The following NALF1 variants were observed in gnomAD, a reference collection of about 807,000 sequenced individuals.
NALF1 encodes the protein family with sequence similarity 155 member A.
In NALF1, 3 loss-of-function variants were observed where a neutral mutation model predicts 48.4. That is an observed-to-expected ratio of 0.06 (90% confidence interval 0.03 to 0.16). The LOEUF (loss-of-function observed/expected upper bound fraction) is 0.16, where lower values mean the gene tolerates loss of function less well. Among genes scored for constraint, NALF1 ranks in the 10% least tolerant of loss-of-function variants. NALF1 has a pLI of 1.00. For synonymous variants in NALF1, 262 were observed against 245.7 expected (o/e 1.07, Z -0.62); for missense variants, 526 against 571.5 (o/e 0.92, Z 0.81).
intron 1 of NALF1, among the ~76,000 whole-genome samples, chr13:107,702,973 T>G (rs1881860140): frequency 6.6e-6 from 1 of 152,218 alleles, no homozygotes; most frequent in Non-Finnish European, 1.5e-5. Flanking sequence ...TGGTTTCACG[T>G]CTTTGCTATT....
chr13:107,716,070 G>A (rs1357238594), intron 1 of NALF1, among the ~76,000 whole-genome samples: 2 of 152,058 alleles, frequency 1.3e-5, no homozygotes, highest in Non-Finnish European at 2.9e-5. Flanking sequence ...TCCATCTCAG[G>A]CAGTAATTCA....
intron 1 of NALF1, among the ~76,000 whole-genome samples, chr13:107,413,598 C>A (rs1729096294): frequency 6.6e-6 from 1 of 151,968 alleles, no homozygotes; most frequent in East Asian, 1.9e-4. Context: ...TATTTTTCTT[C>A]TTTTGTGAAT....
intron 1 of NALF1, among the ~76,000 whole-genome samples, chr13:107,733,664 T>C (rs1358684610): frequency 1.3e-5 from 2 of 152,138 alleles, no homozygotes; most frequent in Non-Finnish European, 2.9e-5. Context: ...ATCTACATAA[T>C]GAAAATAAAC....
intron 1 of NALF1, among the ~76,000 whole-genome samples, chr13:107,752,611 A>C (rs1876971222): frequency 6.6e-6 from 1 of 152,296 alleles, no homozygotes; most frequent in Middle Eastern, 3.4e-3. Context: ...GGGCACAGAA[A>C]GACAAATACT....
intron 1 of NALF1, among the ~76,000 whole-genome samples, chr13:107,825,514 T>C (rs1278563785): frequency 6.6e-6 from 1 of 152,210 alleles, no homozygotes; most frequent in African/African-American, 2.4e-5. Flanking sequence ...TCAATCCTTA[T>C]GCATCATGAT....
chr13:107,709,985 T>A (rs1421754818), intron 1 of NALF1, among the ~76,000 whole-genome samples: 1 of 152,088 alleles, frequency 6.6e-6, no homozygotes, highest in Non-Finnish European at 1.5e-5. Context: ...GGAGTAGCAG[T>A]GTGCAACTCT....
chr13:107,359,464 GAC>G (rs1883022889), intron 1 of NALF1, among the ~76,000 whole-genome samples: 1 of 151,902 alleles, frequency 6.6e-6, no homozygotes, highest in Non-Finnish European at 1.5e-5. Flanking sequence ...TTCTATAAAA[GAC>G]AAAAACTGAA....
rs555291742 is a variant in NALF1 at position 107,822,807 on chromosome 13, T to C, written c.915+42875A>G. Among the ~76,000 whole-genome samples, 10 of 152,274 alleles carry C rather than the reference T, an allele frequency of 6.6e-5. 1 individual carries two copies. In the South Asian group the frequency reaches 1.9e-3, roughly 28 times the overall value. On this transcript the variant is annotated intron_variant, in intron 1 of 2. Coordinates refer to ENST00000375915, the MANE Select transcript of NALF1 (RefSeq NM_001080396.3). ...GAAGATTTAGGAAAATCGTTAAATA[T>C]AAAAAGAACAAGGAAAAATTTAGCT... is the stretch of plus-strand genomic sequence containing the variant.
chr13:107,316,346 C>T (rs890133683), intron 1 of NALF1, among the ~76,000 whole-genome samples: 68 of 131,628 alleles, frequency 5.2e-4, no homozygotes, highest in African/African-American at 1.6e-3. Flanking sequence ...TGAATAGTGC[C>T]GCAATAAACA....
Position 107,840,965 on chromosome 13 carries a change from C to T in NALF1, c.915+24717G>A, listed in dbSNP as rs549650397. On this transcript the variant is annotated intron_variant, in intron 1 of 2. Coordinates refer to ENST00000375915, the MANE Select transcript of NALF1 (RefSeq NM_001080396.3). ...CCTTCCTTGCTGAACTTGACCTTTC[C>T]TAGTGATCCCTAGCATCCTGGCTTG... Among the ~76,000 whole-genome samples, 3 of 152,140 alleles carry T rather than the reference C, an allele frequency of 2.0e-5. No individual in the cohort carries two copies. In the South Asian group the frequency reaches 6.2e-4, roughly 32 times the overall value.
intron 1 of NALF1, among the ~76,000 whole-genome samples, chr13:107,511,615 A>C (rs1184151009): frequency 2.0e-5 from 3 of 152,148 alleles, no homozygotes; most frequent in Non-Finnish European, 4.4e-5. Context: ...GAGTCAGGTA[A>C]CTATTTCTAT....
intron 1 of NALF1, among the ~76,000 whole-genome samples, chr13:107,247,943 G>T (rs1008271379): frequency 6.6e-6 from 1 of 152,068 alleles, no homozygotes; most frequent in African/African-American, 2.4e-5. Context: ...CAAGTTTAGC[G>T]CATTATGGTG....
chr13:107,744,747 TA>T (rs1290834929), intron 1 of NALF1, among the ~76,000 whole-genome samples: 9 of 152,202 alleles, frequency 5.9e-5, no homozygotes, highest in African/African-American at 2.2e-4. Context: ...TATTGAAACA[TA>T]AAAAATTCTT....
At chr13:107,397,494 C>G (rs181058708) in intron 1 of NALF1, among the ~76,000 whole-genome samples, 15 of 152,200 alleles carry the variant, frequency 9.9e-5, no homozygotes, top group Admixed American at 9.8e-4. Context: ...TATCAACCAA[C>G]AAAAATGATT....
intron 1 of NALF1, among the ~76,000 whole-genome samples, chr13:107,664,330 C>T (rs1414372627): frequency 6.6e-6 from 1 of 152,162 alleles, no homozygotes; most frequent in African/African-American, 2.4e-5. Context: ...TCACTTTGTA[C>T]AAGCCCCTCT....
chr13:107,394,641 T>C (rs1479050465), intron 1 of NALF1, among the ~76,000 whole-genome samples: 1 of 152,194 alleles, frequency 6.6e-6, no homozygotes, highest in Non-Finnish European at 1.5e-5. Flanking sequence ...AGATATAACA[T>C]ATTCTTAACA....
At chr13:107,405,531 T>G (rs1883884411) in intron 1 of NALF1, among the ~76,000 whole-genome samples, 2 of 152,012 alleles carry the variant, frequency 1.3e-5, no homozygotes, top group South Asian at 4.1e-4. Flanking sequence ...AAATTCCCTT[T>G]TCTTTTGAGC....
chr13:107,174,752 G>A (rs1043236954), intron 2 of NALF1, among the ~76,000 whole-genome samples: 12 of 152,232 alleles, frequency 7.9e-5, no homozygotes, highest in African/African-American at 2.9e-4. Flanking sequence ...CCAGGGAGCA[G>A]GAGGGAGAAG....
At chr13:107,748,302 G>A (rs1310999633) in intron 1 of NALF1, among the ~76,000 whole-genome samples, 4 of 152,136 alleles carry the variant, frequency 2.6e-5, no homozygotes, top group Non-Finnish European at 4.4e-5. Flanking sequence ...CAGCTTATAA[G>A]ACAGAAAATT....
Sources: gnomAD v4.1 joint callset for allele counts (sites outside exome capture counted in the v4.1 genomes callset) on GRCh38, gnomAD v4.1.1 for gene constraint, MANE v1.5 for transcripts, NCBI Gene and HGNC (gene_info 2026-07-23, HGNC 2026-07-21) for gene names.